The following VPS13B variants were observed in gnomAD, a reference collection of about 807,000 sequenced individuals.
VPS13B encodes the protein vacuolar protein sorting 13 homolog B.
In VPS13B, 285 loss-of-function variants were observed where a neutral mutation model predicts 426.4. The observed-to-expected ratio is 0.67, with a 90% CI of 0.61 to 0.74. VPS13B has a LOEUF of 0.74. Among genes scored for constraint, VPS13B ranks in the 30% least tolerant of loss-of-function variants. VPS13B has a pLI of 0.00. For synonymous variants in VPS13B, 1,676 were observed against 1,676.4 expected (o/e 1.00, Z 0.01); for missense variants, 4,537 against 4,782.6 (o/e 0.95, Z 1.51).
At chr8:99,551,932 AT>A (rs1238504272) in intron 30 of VPS13B, among the ~76,000 whole-genome samples, 1 of 151,994 alleles carries the variant, frequency 6.6e-6, no homozygotes. Flanking sequence ...TTGTGGAATA[AT>A]TATAAGACAT....
chr8:99,808,122 G>A (rs1813498086), intron 43 of VPS13B, among the ~76,000 whole-genome samples: 1 of 151,976 alleles, frequency 6.6e-6, no homozygotes. Flanking sequence ...CTAATTGGGA[G>A]TTTTTCATGA....
chr8:99,796,332 T>C (rs2130744137), intron 43 of VPS13B, among the ~76,000 whole-genome samples: 1 of 151,754 alleles, frequency 6.6e-6, no homozygotes, highest in East Asian at 1.9e-4. Flanking sequence ...GACGAAGTGG[T>C]GATGATGAGC....
intron 44 of VPS13B, among the ~76,000 whole-genome samples, chr8:99,812,923 G>T (rs1338149938): frequency 2.0e-5 from 3 of 152,114 alleles, no homozygotes; most frequent in Non-Finnish European, 4.4e-5. Flanking sequence ...CATCTTTGTG[G>T]CTTTGGGGAA....
chr8:99,759,097 A>T (rs1225009604), intron 39 of VPS13B, among the ~76,000 whole-genome samples: 1 of 151,830 alleles, frequency 6.6e-6, no homozygotes, highest in African/African-American at 2.4e-5. Context: ...TCCCATTCTC[A>T]CAAGTCCTTA....
chr8:99,474,179 T>C (rs994089693), intron 24 of VPS13B, among the ~76,000 whole-genome samples: 1 of 145,398 alleles, frequency 6.9e-6, no homozygotes, highest in South Asian at 2.1e-4. Flanking sequence ...TGGACTGTTA[T>C]CCAATTTTTT....
intron 17 of VPS13B, among the ~76,000 whole-genome samples, chr8:99,249,527 C>T (rs565295137): frequency 2.0e-5 from 3 of 151,388 alleles, no homozygotes; most frequent in Non-Finnish European, 2.9e-5. Flanking sequence ...TGGTTCACGC[C>T]GTTCTCCTGC....
At chr8:99,386,873 G>A (rs1268446142) in intron 20 of VPS13B, among the ~76,000 whole-genome samples, 3 of 152,138 alleles carry the variant, frequency 2.0e-5, no homozygotes, top group Non-Finnish European at 4.4e-5. Context: ...GGAGGCTAAA[G>A]CAGGAGGATT....
intron 22 of VPS13B, among the ~76,000 whole-genome samples, chr8:99,437,637 G>C (rs1817456611): frequency 6.6e-6 from 1 of 152,096 alleles, no homozygotes; most frequent in Non-Finnish European, 1.5e-5. Context: ...AGAATCGCTT[G>C]AACCTGGGTG....
rs7834220 is a variant in VPS13B at position 99,735,570 on chromosome 8, G to A, written c.7050+14523G>A. On this transcript the variant is annotated intron_variant, in intron 39 of 61. Coordinates refer to ENST00000357162, the MANE Select transcript of VPS13B (RefSeq NM_152564.5). Reference sequence around the variant, plus strand: ...GACAAGGAAGGGGGTCTTCTCTATTGCCTTCAGAGGGAATATGGCCCTACT... The same window carrying A: ...GACAAGGAAGGGGGTCTTCTCTATTACCTTCAGAGGGAATATGGCCCTACT... 3.8e-3 allele frequency among the ~76,000 whole-genome samples: 580 copies of A among 152,258 alleles called. 6 individuals carry two copies. The highest frequency in any genetic ancestry group is 0.012 in the African/African-American group (515 of 41,552).
intron 12 of VPS13B, among the ~76,000 whole-genome samples, chr8:99,140,621 TCTCCTTCCTCCTCCTCCCC>T (rs1373097767): frequency 6.8e-6 from 1 of 147,674 alleles, no homozygotes; most frequent in African/African-American, 2.5e-5. Flanking sequence ...CTTCTCCTCC[TCTCCTTCCTCCTCCTCCCC>T]CTCCTTGCCT....
intron 29 of VPS13B, among the ~76,000 whole-genome samples, chr8:99,511,836 A>G (rs967225742): frequency 6.6e-6 from 1 of 152,182 alleles, no homozygotes; most frequent in Non-Finnish European, 1.5e-5. Flanking sequence ...TAAGAGAACT[A>G]AAATTTTTTT....
At chr8:99,281,094 C>A (rs1231763244) in intron 19 of VPS13B, among the ~76,000 whole-genome samples, 1 of 152,170 alleles carries the variant, frequency 6.6e-6, no homozygotes, top group African/African-American at 2.4e-5. Flanking sequence ...ACTCTTCCAA[C>A]TCAGATCATC....
At chr8:99,104,816 G>T (rs7842572) in intron 5 of VPS13B, among the ~76,000 whole-genome samples, 1 of 152,006 alleles carries the variant, frequency 6.6e-6, no homozygotes, top group Non-Finnish European at 1.5e-5. Context: ...GTAGAGATGG[G>T]GTTTTGCCCT....
At chr8:99,283,924 A>G (rs1265893577) in intron 19 of VPS13B, among the ~76,000 whole-genome samples, 3 of 152,282 alleles carry the variant, frequency 2.0e-5, no homozygotes, top group South Asian at 2.1e-4. Flanking sequence ...GAATTTTTTT[A>G]TCCTACTAAT....
At chr8:99,053,697 T>C (rs1843683354) in intron 3 of VPS13B, among the ~76,000 whole-genome samples, 1 of 150,600 alleles carries the variant, frequency 6.6e-6, no homozygotes, top group African/African-American at 2.4e-5. Flanking sequence ...TTTTCTTGCT[T>C]ACAACTCTTT....
intron 19 of VPS13B, among the ~76,000 whole-genome samples, chr8:99,328,991 T>A (rs1263196414): frequency 6.6e-6 from 1 of 152,184 alleles, no homozygotes; most frequent in Non-Finnish European, 1.5e-5. Flanking sequence ...ATTAAGTTGC[T>A]CATCTACTAA....
chr8:99,376,583 G>T (rs1813500042), intron 19 of VPS13B, among the ~76,000 whole-genome samples: 1 of 151,924 alleles, frequency 6.6e-6, no homozygotes, highest in African/African-American at 2.4e-5. Context: ...TATTATATTT[G>T]TTTTCCGTTT....
intron 36 of VPS13B, among the ~76,000 whole-genome samples, chr8:99,702,437 A>G (rs1420106419): frequency 1.3e-5 from 2 of 152,164 alleles, no homozygotes; most frequent in African/African-American, 4.8e-5. Flanking sequence ...CAGATGTACT[A>G]TTAAACGAAA....
intron 43 of VPS13B, among the ~76,000 whole-genome samples, chr8:99,785,556 T>C (rs1340839478): frequency 1.3e-5 from 2 of 152,188 alleles, no homozygotes; most frequent in Non-Finnish European, 2.9e-5. Context: ...TGATATGGTA[T>C]TGCATTCATA....
Sources: gnomAD v4.1 joint callset for allele counts (sites outside exome capture counted in the v4.1 genomes callset) on GRCh38, gnomAD v4.1.1 for gene constraint, MANE v1.5 for transcripts, NCBI Gene and HGNC (gene_info 2026-07-23, HGNC 2026-07-21) for gene names.